Variants in EHBP1L1 observed in about 807,000 individuals in gnomAD.
EHBP1L1 encodes the protein EH domain binding protein 1 like 1, also known as EH domain-binding protein 1-like protein 1.
A neutral mutation model predicts 151.1 loss-of-function variants in EHBP1L1; 122 were observed. That is an observed-to-expected ratio of 0.81 (90% CI 0.70 to 0.94). EHBP1L1 has a LOEUF of 0.94. Among genes scored for constraint, EHBP1L1 ranks in the 40% least tolerant of loss-of-function variants. The pLI is 0.00. For missense variants in EHBP1L1, 1,941 were observed against 1,959.8 expected (o/e 0.99, Z 0.18); for synonymous variants, 878 against 810.1 (o/e 1.08, Z -1.42).
rs1218761964 is a variant in EHBP1L1, at chr11:65,592,314, CG to C, written c.*15del. 2 of 1,461,168 alleles carry C rather than the reference CG, an allele frequency of 1.4e-6. No homozygotes were observed. The highest frequency in any genetic ancestry group is 3.0e-5 in the African/African-American group (2 of 67,292). The allele number at this position is 1,461,168 out of a possible 1,614,324, so 90.5% of individuals were successfully genotyped here. On this transcript the variant is annotated 3_prime_UTR_variant, in exon 19 of 19. Coordinates refer to ENST00000309295, the MANE Select transcript of EHBP1L1 (RefSeq NM_001099409.3). Reference sequence around the variant, plus strand: ...GCGTGCTGAGCTGAGGCCGCCGGCCCGGGTGGCCCATAACTTCTCGCGTCCC... The same window carrying C: ...GCGTGCTGAGCTGAGGCCGCCGGCCCGGTGGCCCATAACTTCTCGCGTCCC...
Position 65,582,057 on chromosome 11 carries a change from C to G in EHBP1L1, c.1385C>G (p.Ser462Cys). ...ACCCCTGAGGCTCCTCCAAGGGGCT[C>G]TCAGGGGAGGCTGGGAGTCAGGACC... ...RGTPEAPPRG[S>C]QGRLGVRTRD... Residue 462 changes from serine (S) to cysteine (C), a missense_variant, in exon 9 of 19, where the codon TCT becomes TGT. Transcript: ENST00000309295. 6.2e-7 allele frequency: 1 copy of G among 1,612,976 alleles called. No individual in the cohort carries two copies. The highest frequency in any genetic ancestry group is 8.5e-7 in the Non-Finnish European group (1 of 1,179,664).
At chr11:65,586,761 G>T (rs183259654) in intron 12 of EHBP1L1, among the ~76,000 whole-genome samples, 46 of 152,328 alleles carry the variant, frequency 3.0e-4, no homozygotes, top group Admixed American at 7.2e-4. Flanking sequence ...GATGTGATAC[G>T]CAGGAGTCAA....
rs1353214369 is a variant in EHBP1L1, at chr11:65,581,812, G to A, written c.1140G>A (p.Glu380=). Residue 380 remains glutamate (E), a synonymous_variant, in exon 9 of 19, where the codon GAG becomes GAA. Coordinates refer to ENST00000309295, the MANE Select transcript of EHBP1L1 (RefSeq NM_001099409.3). The part of the protein sequence containing the change: ...PFGRQRLKAE[E]MDTEDRPEAS... ...GAAGGCAGAGACTCAAGGCTGAAGAGATGGACACTGAGGACAGGCCAGAGG... is the reference window on the plus strand; with the variant it reads ...GAAGGCAGAGACTCAAGGCTGAAGAAATGGACACTGAGGACAGGCCAGAGG... 1 of 1,613,612 alleles carries A rather than the reference G, an allele frequency of 6.2e-7. No homozygotes were observed. The highest frequency in any genetic ancestry group is 1.1e-5 in the South Asian group (1 of 91,052).
In EHBP1L1 at chr11:65,592,311, GC is replaced by G. The variant is rs1858376748; in HGVS notation, c.*12del. ...GCTGCGTGCTGAGCTGAGGCCGCCG[GC>G]CCGGGTGGCCCATAACTTCTCGCGT... On this transcript the variant is annotated 3_prime_UTR_variant, in exon 19 of 19. Transcript: ENST00000309295. 6.8e-7 allele frequency: 1 copy of G among 1,462,358 alleles called. No individual in the cohort carries two copies. The highest frequency in any genetic ancestry group is 9.0e-7 in the Non-Finnish European group (1 of 1,117,288). The allele number at this position is 1,462,358 out of a possible 1,614,324, so 90.6% of individuals were successfully genotyped here.
Position 65,589,938 on chromosome 11 carries a change from G to A in EHBP1L1, c.4006G>A (p.Gly1336Arg), listed in dbSNP as rs1055964582. The A allele has an allele frequency of 2.6e-6, 4 of 1,563,608 alleles. No individual in the cohort carries two copies. Among genetic ancestry groups the A allele is most frequent in the Middle Eastern group, 1.7e-4 (1 of 5,846 alleles). ...TAADSQQPPG[G>R]SSPSEEPPPS... ...CTTATCATCATCTCTGTCTGCAGGT[G>A]GGAGTTCCCCCTCGGAGGAACCACC... Residue 1336 changes from glycine to arginine, a missense_variant and splice_region_variant, in exon 14 of 19, where the codon GGG becomes AGG. Physicochemically the swap from Gly to Arg is moderately radical, Grantham distance 125. Coordinates refer to ENST00000309295, the MANE Select transcript of EHBP1L1 (RefSeq NM_001099409.3).
chr11:65,576,207 C>A lies in EHBP1L1; in HGVS notation c.-96C>A. ...GACACCTCCGCACGGACGGGGCGGGCGGCGCGGACAGGCCATGGGGACCCG... is the reference window on the plus strand; with the variant it reads ...GACACCTCCGCACGGACGGGGCGGGAGGCGCGGACAGGCCATGGGGACCCG... On this transcript the variant is annotated 5_prime_UTR_variant, in exon 1 of 19. Transcript: ENST00000309295. 9.2e-7 allele frequency: 1 copy of A among 1,085,868 alleles called. No homozygotes were observed. Among genetic ancestry groups the A allele is most frequent in the Non-Finnish European group, 1.2e-6 (1 of 822,270 alleles). The allele number at this position is 1,085,868 out of a possible 1,614,324, so 67.3% of individuals were successfully genotyped here.
chr11:65,591,836 G>A lies in EHBP1L1; in HGVS notation c.4320G>A (p.Leu1440=), dbSNP rs758563244. ...EEQDLERRFE[L]LSRELRAMLA... Reference sequence around the variant, plus strand: ...AGGACTTGGAGCGAAGGTTCGAGCTGCTGAGCCGCGAGCTGCGGGCCATGC... The same window carrying A: ...AGGACTTGGAGCGAAGGTTCGAGCTACTGAGCCGCGAGCTGCGGGCCATGC... The change falls in exon 17 of 19, where the codon CTG becomes CTA. Residue 1440 remains leucine, a synonymous_variant. Transcript: ENST00000309295. 2.6e-6 allele frequency: 4 copies of A among 1,549,968 alleles called. No homozygotes were observed. The East Asian group carries it at 9.8e-5, about 38-fold the overall frequency.
In EHBP1L1 at chr11:65,581,846, G is replaced by T. The variant is rs1857628140; in HGVS notation, c.1174G>T (p.Val392Leu). 6.2e-7 allele frequency: 1 copy of T among 1,613,684 alleles called. No individual in the cohort carries two copies. The change falls in exon 9 of 19, where the codon GTG becomes TTG. Residue 392 changes from valine to leucine, a missense_variant. Val to Leu is a conservative substitution (Grantham distance 32). Coordinates refer to ENST00000309295, the MANE Select transcript of EHBP1L1 (RefSeq NM_001099409.3). ...DTEDRPEASG[V>L]DTEPRSGGRE... ...TGAGGACAGGCCAGAGGCCAGTGGGGTGGACACTGAGCCAAGGTCAGGAGG... is the reference window on the plus strand; with the variant it reads ...TGAGGACAGGCCAGAGGCCAGTGGGTTGGACACTGAGCCAAGGTCAGGAGG...
Position 65,582,095 on chromosome 11 carries a change from C to T in EHBP1L1, c.1423C>T (p.Pro475Ser), listed in dbSNP as rs752362522. The T allele has an allele frequency of 1.9e-6, 3 of 1,607,806 alleles. No individual in the cohort carries two copies. The highest frequency in any genetic ancestry group is 2.5e-6 in the Non-Finnish European group (3 of 1,177,158). Residue 475 changes from proline to serine, a missense_variant, in exon 9 of 19, where the codon CCC becomes TCC. Transcript: ENST00000309295. Reference sequence around the variant, plus strand: ...GGGAGTCAGGACCAGGGATGAGGCTCCCTCAGGCCTGAGCCTGCCCCCAGC... The same window carrying T: ...GGGAGTCAGGACCAGGGATGAGGCTTCCTCAGGCCTGAGCCTGCCCCCAGC... ...RLGVRTRDEA[P>S]SGLSLPPAEP...
chr11:65,580,428 G>A lies in EHBP1L1; in HGVS notation c.583G>A (p.Glu195Lys). The A allele has an allele frequency of 6.2e-7, 1 of 1,613,640 alleles. No homozygotes were observed. The highest frequency in any genetic ancestry group is 8.5e-7 in the Non-Finnish European group (1 of 1,179,838). The change falls in exon 6 of 19, where the codon GAG (glutamate) becomes AAG (lysine). Residue 195 changes from glutamate to lysine, a missense_variant. Coordinates refer to ENST00000309295, the MANE Select transcript of EHBP1L1 (RefSeq NM_001099409.3). ...TGACTTTGCTGAGAGTGATGAAGAT[G>A]AGGCTCATGGCCCAGGAGCCCCGGA... is the stretch of plus-strand genomic sequence containing the variant. Reference protein sequence around the residue: ...LDDFAESDEDEAHGPGAPEAR... With the variant: ...LDDFAESDEDKAHGPGAPEAR...
chr11:65,586,283 G>A (rs1477764510), intron 12 of EHBP1L1, among the ~76,000 whole-genome samples: 2 of 152,192 alleles, frequency 1.3e-5, no homozygotes, highest in Non-Finnish European at 2.9e-5. Flanking sequence ...GTCCCAGAAA[G>A]AGCAGGGATT....
intron 17 of EHBP1L1, 45 bp downstream of exon 17, chr11:65,591,918 T>A: frequency 6.2e-7 from 1 of 1,607,046 alleles, no homozygotes; most frequent in East Asian, 2.2e-5. Flanking sequence ...AGAGCCAGGG[T>A]GGAGGCGGCA....
chr11:65,585,531 G>T lies in EHBP1L1; in HGVS notation c.3873G>T (p.Arg1291=). 2 of 1,575,850 alleles carry T rather than the reference G, an allele frequency of 1.3e-6. No individual in the cohort carries two copies. The highest frequency in any genetic ancestry group is 1.1e-5 in the South Asian group (1 of 87,390). Residue 1291 remains arginine, a synonymous_variant, in exon 12 of 19, where the codon CGG becomes CGT. Coordinates refer to ENST00000309295, the MANE Select transcript of EHBP1L1 (RefSeq NM_001099409.3). The surrounding 1 kb of genome is among the most constrained non-coding windows in gnomAD (Gnocchi z 4.0). Reference sequence around the variant, plus strand: ...TCAAGAAGAGGCGCTCGCGGCTGCGGAACAGCAGCTCGTTCTCGATGGACG... The same window carrying T: ...TCAAGAAGAGGCGCTCGCGGCTGCGTAACAGCAGCTCGTTCTCGATGGACG... ...DLLKKRRSRL[R]NSSSFSMDDP...
At chr11:65,589,634 C>T (rs1858154065) in intron 12 of EHBP1L1, 117 bp from the exon 13 acceptor site, 38 of 1,404,666 alleles carry the variant, frequency 2.7e-5, no homozygotes, top group Non-Finnish European at 3.0e-5. Flanking sequence ...GGGGCAGGGG[C>T]GGGCAGGAGC....
rs958021091 is a variant in EHBP1L1, at chr11:65,592,314, C to G, written c.*12C>G. On this transcript the variant is annotated 3_prime_UTR_variant, in exon 19 of 19. Coordinates refer to ENST00000309295, the MANE Select transcript of EHBP1L1 (RefSeq NM_001099409.3). The stretch of plus-strand genomic sequence containing the variant: ...GCGTGCTGAGCTGAGGCCGCCGGCC[C>G]GGGTGGCCCATAACTTCTCGCGTCC... 2.7e-6 allele frequency: 4 copies of G among 1,461,276 alleles called. No homozygotes were observed. Among genetic ancestry groups the G allele is most frequent in the Non-Finnish European group, 3.6e-6 (4 of 1,116,652 alleles). The allele number at this position is 1,461,276 out of a possible 1,614,324, so 90.5% of individuals were successfully genotyped here.
At position 65,581,780 on chromosome 11, in the gene EHBP1L1, C is replaced by T; in HGVS notation, c.1108C>T (p.Pro370Ser). Residue 370 changes from proline to serine, a missense_variant, in exon 9 of 19, where the codon CCT becomes TCT. Pro to Ser is a moderately conservative substitution (Grantham distance 74, BLOSUM62 -1). Coordinates refer to ENST00000309295, the MANE Select transcript of EHBP1L1 (RefSeq NM_001099409.3). ...PSIEDKGSGD[P>S]FGRQRLKAEE... ...CATTGAGGATAAAGGTTCTGGAGAC[C>T]CTTTTGGAAGGCAGAGACTCAAGGC... The T allele has an allele frequency of 1.2e-6, 2 of 1,612,810 alleles. No individual in the cohort carries two copies. Among genetic ancestry groups the T allele is most frequent in the Non-Finnish European group, 1.7e-6 (2 of 1,179,478 alleles).
At chr11:65,576,975 G>A (rs539527659) in intron 1 of EHBP1L1, among the ~76,000 whole-genome samples, 1 of 152,336 alleles carries the variant, frequency 6.6e-6, no homozygotes, top group South Asian at 2.1e-4. Flanking sequence ...GAGGAGGGAG[G>A]CGGGGAGCAG....
intron 7 of EHBP1L1, 28 bp downstream of exon 7, chr11:65,581,154 G>A: frequency 1.2e-6 from 2 of 1,612,380 alleles, no homozygotes; most frequent in Non-Finnish European, 8.5e-7. Flanking sequence ...GTTGGGGGTG[G>A]AGACTGGACC....
intron 16 of EHBP1L1, 34 bp from the exon 17 acceptor site, chr11:65,591,766 A>ACCCCCCCCCCCCCCC (rs71036214): frequency 1.7e-5 from 14 of 808,304 alleles, no homozygotes; most frequent in Admixed American, 4.1e-5. Context: ...CTGAACTGCC[A>ACCCCCCCCCCCCCCC]CCCCCCCGCC....
Sources: gnomAD v4.1 joint callset for allele counts (sites outside exome capture counted in the v4.1 genomes callset) on GRCh38, gnomAD v4.1.1 for gene constraint, Gnocchi (gnomAD v3.1) non-coding constraint, MANE v1.5 for transcripts, NCBI Gene and HGNC (gene_info 2026-07-23, HGNC 2026-07-21) for gene names.